Variants in DCDC1 observed in about 807,000 individuals in gnomAD.
The protein encoded by DCDC1 is doublecortin domain-containing protein 1.
DCDC1 carries 200 observed loss-of-function variants against 178.3 expected under a neutral mutation model. The ratio of observed to expected loss-of-function variants is 1.12; its 90% CI spans 1.00 to 1.26. DCDC1 has a LOEUF of 1.26. Ranked by LOEUF, DCDC1 falls within the 50% of genes most tolerant of loss-of-function variation. The pLI is 0.00. For missense variants in DCDC1, 1,983 were observed against 1,749.2 expected (o/e 1.13, Z -2.38); for synonymous variants, 690 against 604.8 (o/e 1.14, Z -2.07).
Position 31,303,773 on chromosome 11 carries a change from C to T in DCDC1, c.754+1842G>A, listed in dbSNP as rs115526044. On this transcript the variant is annotated intron_variant, in intron 6 of 38. Transcript: ENST00000684477. ...CTCTTTTTAATGGACATGTGATATG[C>T]TAGTCTGTGTCCAAGCTCACCTACA... Among the ~76,000 whole-genome samples the T allele has an allele frequency of 4.1e-3, 620 of 152,234 alleles. 2 individuals are homozygous for T. The highest frequency in any genetic ancestry group is 0.014 in the African/African-American group (602 of 41,546).
chr11:31,209,651 C>T lies in DCDC1; in HGVS notation c.1221+31799G>A, dbSNP rs550153445. ...AGATTTCAGCCAGAGCTGATTGAGT[C>T]TGCAGAGTCTGATTGAGGCAAAAGT... is the stretch of plus-strand genomic sequence containing the variant. On this transcript the variant is annotated intron_variant, in intron 9 of 38. Coordinates refer to ENST00000684477, the MANE Select transcript of DCDC1 (RefSeq NM_001387274.1). Among the ~76,000 whole-genome samples, 42 of 152,314 alleles carry T rather than the reference C, an allele frequency of 2.8e-4. 1 individual carries two copies. The highest frequency in any genetic ancestry group is 1.6e-3 in the Admixed American group (25 of 15,302).
intron 8 of DCDC1, among the ~76,000 whole-genome samples, chr11:31,248,618 T>C (rs1943744236): frequency 1.3e-5 from 2 of 152,098 alleles, no homozygotes; most frequent in Non-Finnish European, 2.9e-5. Flanking sequence ...GTCAACATAT[T>C]ACTTACATGT....
chr11:30,900,420 G>A lies in DCDC1; in HGVS notation c.4589C>T (p.Ser1530Phe). ...TSDSLDGIDKSLLTLILRNPI... is the reference protein window; with the variant it reads ...TSDSLDGIDKFLLTLILRNPI... ...ATTTCTGAGGATGAGGGTAAGCAAA[G>A]ACTTGTCTATACCATCCAAACTATC... The change falls in exon 33 of 39, where the codon TCT (serine) becomes TTT (phenylalanine). Residue 1530 changes from serine to phenylalanine, a missense_variant. Transcript: ENST00000684477. The A allele has an allele frequency of 1.3e-6, 2 of 1,582,670 alleles. No individual in the cohort carries two copies. The highest frequency in any genetic ancestry group is 4.6e-5 in the East Asian group (2 of 43,832).
At chr11:31,213,243 G>T (rs186028305) in intron 9 of DCDC1, among the ~76,000 whole-genome samples, 8 of 148,344 alleles carry the variant, frequency 5.4e-5, no homozygotes, top group Non-Finnish European at 1.0e-4. Flanking sequence ...AGTCTGGTTG[G>T]ATATTTTCTA....
At chr11:31,226,062 G>A (rs10835754) in intron 9 of DCDC1, among the ~76,000 whole-genome samples, 40,006 of 151,826 alleles carry the variant, frequency 0.26, 5,421 homozygotes, top group African/African-American at 0.32. Context: ...GAACCACGCT[G>A]AGGAATGTAA....
intron 22 of DCDC1, among the ~76,000 whole-genome samples, chr11:30,927,534 G>A (rs943743772): frequency 3.3e-5 from 5 of 152,162 alleles, no homozygotes; most frequent in African/African-American, 4.8e-5. Context: ...GAGAAGGACA[G>A]GGCTTTGCTG....
At chr11:31,241,093 G>GA (rs1247980763) in intron 9 of DCDC1, among the ~76,000 whole-genome samples, 3 of 151,778 alleles carry the variant, frequency 2.0e-5, no homozygotes, top group South Asian at 2.1e-4. Flanking sequence ...TTTTATGCTG[G>GA]AAAAAAATAG....
chr11:30,895,481 C>A (rs896035052), intron 34 of DCDC1, among the ~76,000 whole-genome samples: 3 of 152,160 alleles, frequency 2.0e-5, no homozygotes, highest in African/African-American at 7.2e-5. Context: ...TTGTTGCCAA[C>A]ATAATCTTAA....
intron 9 of DCDC1, among the ~76,000 whole-genome samples, chr11:31,163,171 G>A (rs1183260484): frequency 1.3e-5 from 2 of 152,074 alleles, no homozygotes; most frequent in Non-Finnish European, 2.9e-5. Flanking sequence ...TGAAGTGCCT[G>A]GGTGCACAGT....
intron 21 of DCDC1, among the ~76,000 whole-genome samples, chr11:30,946,351 C>G (rs570389237): frequency 6.6e-6 from 1 of 152,306 alleles, no homozygotes; most frequent in South Asian, 2.1e-4. Context: ...CCTTGTCTCT[C>G]CATGCCACCC....
chr11:31,129,270 G>A (rs1962096495), intron 10 of DCDC1, among the ~76,000 whole-genome samples: 2 of 151,956 alleles, frequency 1.3e-5, no homozygotes, highest in South Asian at 4.2e-4. Flanking sequence ...ACCTTTACAA[G>A]TGTTACATGC....
chr11:31,136,914 C>T (rs186978084), intron 10 of DCDC1, among the ~76,000 whole-genome samples: 9 of 152,242 alleles, frequency 5.9e-5, no homozygotes, highest in African/African-American at 2.2e-4. Context: ...TTCTGATTAG[C>T]TCACTTAGGC....
At chr11:31,266,721 C>T (rs1374145334) in intron 7 of DCDC1, among the ~76,000 whole-genome samples, 1 of 152,128 alleles carries the variant, frequency 6.6e-6, no homozygotes, top group Non-Finnish European at 1.5e-5. Context: ...CACTTCTGTC[C>T]CTACTTTATT....
At chr11:31,169,551 C>T (rs1021827480) in intron 9 of DCDC1, among the ~76,000 whole-genome samples, 28 of 152,142 alleles carry the variant, frequency 1.8e-4, no homozygotes, top group African/African-American at 5.1e-4. Flanking sequence ...GGCCAGACAA[C>T]GACTCATACA....
chr11:30,883,384 G>A (rs1228663739), intron 36 of DCDC1: 5 of 333,882 alleles, frequency 1.5e-5, no homozygotes, highest in African/African-American at 1.1e-4. Context: ...CAAGACATCA[G>A]ATATTAAACC....
intron 20 of DCDC1, among the ~76,000 whole-genome samples, chr11:31,000,864 GA>G (rs1185040145): frequency 6.6e-5 from 10 of 151,332 alleles, no homozygotes; most frequent in Non-Finnish European, 1.0e-4. Context: ...GTTAGAAAAA[GA>G]AAAAAAAGTC....
chr11:30,954,199 T>C (rs1237049468), intron 20 of DCDC1, among the ~76,000 whole-genome samples: 2 of 151,888 alleles, frequency 1.3e-5, no homozygotes, highest in Non-Finnish European at 2.9e-5. Context: ...GTATTTTTAG[T>C]AGAGACGGGG....
At chr11:31,247,065 C>G (rs974129299) in intron 8 of DCDC1, among the ~76,000 whole-genome samples, 1 of 151,952 alleles carries the variant, frequency 6.6e-6, no homozygotes, top group Non-Finnish European at 1.5e-5. Context: ...TTGATTTGTA[C>G]GACAGGATCA....
intron 9 of DCDC1, among the ~76,000 whole-genome samples, chr11:31,157,914 C>A (rs973637461): frequency 6.6e-6 from 1 of 151,894 alleles, no homozygotes; most frequent in Non-Finnish European, 1.5e-5. Flanking sequence ...TTTATTTAAT[C>A]GACAAATAAA....
Sources: gnomAD v4.1 joint callset for allele counts (sites outside exome capture counted in the v4.1 genomes callset) on GRCh38, gnomAD v4.1.1 for gene constraint, MANE v1.5 for transcripts, NCBI Gene and HGNC (gene_info 2026-07-23, HGNC 2026-07-21) for gene names.